Variants in KIF5C observed in about 807,000 individuals in gnomAD.
KIF5C encodes kinesin family member 5C.
KIF5C carries 18 observed loss-of-function variants against 125.2 expected under a neutral mutation model. The observed-to-expected ratio is 0.14, with a 90% CI of 0.10 to 0.21. The LOEUF is 0.21. Ranked by LOEUF, KIF5C falls within the 10% of genes least tolerant of loss-of-function variation. KIF5C has a pLI of 1.00. For missense variants in KIF5C, 780 were observed against 1,183.8 expected (o/e 0.66, Z 5.01); for synonymous variants, 405 against 434.0 (o/e 0.93, Z 0.83).
In KIF5C at chr2:148,946,961, G is replaced by A. The variant is rs1340827215; in HGVS notation, c.652G>A (p.Val218Ile). Residue 218 changes from valine (V) to isoleucine (I), a missense_variant, in exon 8 of 26, where the codon GTA (valine) becomes ATA (isoleucine). Physicochemically the swap from Val to Ile is conservative, Grantham distance 29. Transcript: ENST00000435030. ...IFLINIKQENVETEKKLSGKL... is the reference protein window; with the variant it reads ...IFLINIKQENIETEKKLSGKL... ...CCTGATAAATATTAAACAAGAGAAT[G>A]TAGAGACTGAAAAAAAACTCAGTGG... 6.2e-7 allele frequency: 1 copy of A among 1,613,402 alleles called. No individual in the cohort carries two copies. Among genetic ancestry groups the A allele is most frequent in the Non-Finnish European group, 8.5e-7 (1 of 1,179,736 alleles).
chr2:148,888,351 C>T (rs1681610359), intron 1 of KIF5C: 1 of 152,366 alleles, frequency 6.6e-6, no homozygotes, highest in South Asian at 2.1e-4. Flanking sequence ...AAATGCATTT[C>T]CCTTTAGCAC....
rs1373278892 is a variant in KIF5C at position 149,023,472 on chromosome 2, A to ACTGT, written c.*406_*409dup. 1 of 152,658 alleles carries ACTGT rather than the reference A, an allele frequency of 6.6e-6. No individual in the cohort carries two copies. The highest frequency in any genetic ancestry group is 2.4e-5 in the African/African-American group (1 of 41,456). The allele number at this position is 152,658 out of a possible 1,614,324, so 9.5% of individuals were successfully genotyped here. A position where few individuals can be genotyped will look rare whatever the true frequency, so the allele number is the denominator to read the frequency against. ...AGGCAGATGATCATGGTCTGCCTCA[A>ACTGT]CTGTCTGGTTTCCTGTAAAATAAAC... On this transcript the variant is annotated 3_prime_UTR_variant, in exon 26 of 26. Coordinates refer to ENST00000435030, the MANE Select transcript of KIF5C (RefSeq NM_004522.3).
chr2:148,968,014 C>T (rs1680793843), intron 11 of KIF5C, among the ~76,000 whole-genome samples: 2 of 152,090 alleles, frequency 1.3e-5, no homozygotes, highest in African/African-American at 4.8e-5. Context: ...CCAGGTCAGT[C>T]TTCACACATG....
At chr2:149,010,397 G>T in intron 24 of KIF5C, 46 bp downstream of exon 24, 1 of 1,494,078 alleles carries the variant, frequency 6.7e-7, no homozygotes, top group East Asian at 2.5e-5. Context: ...AGCTACTGCG[G>T]CCTCTCAGCT....
At chr2:148,968,063 A>AT (rs1680794771) in intron 11 of KIF5C, among the ~76,000 whole-genome samples, 1 of 152,138 alleles carries the variant, frequency 6.6e-6, no homozygotes, top group African/African-American at 2.4e-5. Flanking sequence ...TTGAAAAATA[A>AT]TTTTTTACAG....
At position 148,978,960 on chromosome 2, in the gene KIF5C, G is replaced by C; in HGVS notation, c.1332G>C (p.Lys444Asn). 1 of 1,593,842 alleles carries C rather than the reference G, an allele frequency of 6.3e-7. No homozygotes were observed. The highest frequency in any genetic ancestry group is 8.5e-7 in the Non-Finnish European group (1 of 1,170,102). The change falls in exon 13 of 26, where the codon AAG becomes AAC. Residue 444 changes from lysine (K) to asparagine (N), a missense_variant. Around this residue, in one of 2 missense-constraint regions of KIF5C, gnomAD observed 573 missense variants for 742.6 expected, o/e 0.77. Transcript: ENST00000435030. ...ACCAGCAGAGCCAGCTGGCTGAAAAGCTGAAGCAACAGATGTTGGATCAGG... is the reference window on the plus strand; with the variant it reads ...ACCAGCAGAGCCAGCTGGCTGAAAACCTGAAGCAACAGATGTTGGATCAGG... The part of the protein sequence containing the change: ...EINQQSQLAE[K>N]LKQQMLDQDE...
At chr2:148,971,741 C>CG (rs1452361936) in intron 11 of KIF5C, among the ~76,000 whole-genome samples, 1 of 152,110 alleles carries the variant, frequency 6.6e-6, no homozygotes, top group Non-Finnish European at 1.5e-5. Context: ...TTACTTAACA[C>CG]GGAGGCCCCA....
chr2:148,922,223 C>A lies in KIF5C; in HGVS notation c.213C>A (p.Val71=). 2 of 1,605,628 alleles carry A rather than the reference C, an allele frequency of 1.2e-6. No homozygotes were observed. Among genetic ancestry groups the A allele is most frequent in the South Asian group, 1.1e-5 (1 of 90,512 alleles). The change falls in exon 2 of 26, where the codon GTC becomes GTA. Residue 71 remains valine, a synonymous_variant. Transcript: ENST00000435030. ...ACAATGCATGTGCGAAGCAAATTGT[C>A]AAAGGTAAGTGCTATTTCTTTATTT... ...QVYNACAKQI[V]KDVLEGYNGT... is the part of the protein sequence containing the mutation.
Position 149,000,810 on chromosome 2 carries a change from T to C in KIF5C, c.2373+28T>C, listed in dbSNP as rs373198571. The C allele has an allele frequency of 4.3e-6, 7 of 1,612,198 alleles. No homozygotes were observed. In the African/African-American group the frequency reaches 6.7e-5, roughly 15 times the overall value. ...ATGTCAAGATATTTCCCGATTTATG[T>C]TTGTCTCCAAGACCGGATTCATTTG... is the stretch of plus-strand genomic sequence containing the variant. On this transcript the variant is annotated intron_variant, in intron 21 of 25. Coordinates refer to ENST00000435030, the MANE Select transcript of KIF5C (RefSeq NM_004522.3).
At position 148,983,676 on chromosome 2, in the gene KIF5C, C is replaced by T; in HGVS notation, c.1626C>T (p.His542=). The T allele has an allele frequency of 6.2e-7, 1 of 1,610,874 alleles. No homozygotes were observed. The highest frequency in any genetic ancestry group is 8.5e-7 in the Non-Finnish European group (1 of 1,177,928). ...ELSQLQELSN[H]QKKRATEILN... ...GCCAGCTACAAGAGCTTAGCAACCA[C>T]CAGAAGAAAAGGGCAACTGAGATCC... Residue 542 remains histidine, a synonymous_variant, in exon 15 of 26, where the codon CAC becomes CAT. Coordinates refer to ENST00000435030, the MANE Select transcript of KIF5C (RefSeq NM_004522.3).
chr2:148,942,880 C>A, intron 7 of KIF5C, 120 bp downstream of exon 7: 1 of 1,509,188 alleles, frequency 6.6e-7, no homozygotes, highest in Non-Finnish European at 9.0e-7. Context: ...GATTAAAGAG[C>A]AGTGCTCGGA....
At chr2:148,917,461 G>A (rs1681602475) in intron 1 of KIF5C, among the ~76,000 whole-genome samples, 1 of 152,206 alleles carries the variant, frequency 6.6e-6, no homozygotes, top group Admixed American at 6.5e-5. Context: ...ATATGGCTTG[G>A]CCTTAGTTTT....
At chr2:148,877,319 TGG>T (rs1681221531) in intron 1 of KIF5C, 3 of 152,384 alleles carry the variant, frequency 2.0e-5, no homozygotes, top group East Asian at 3.9e-4. Context: ...GCTGTGTGGA[TGG>T]GCGATCATTC....
At chr2:148,919,760 C>T (rs1324958080) in intron 1 of KIF5C, among the ~76,000 whole-genome samples, 1 of 152,000 alleles carries the variant, frequency 6.6e-6, no homozygotes, top group Non-Finnish European at 1.5e-5. Context: ...TAAGGTTGAC[C>T]TAAAATAAAA....
chr2:148,947,273 A>T (rs1228741678), intron 8 of KIF5C: 1 of 470,272 alleles, frequency 2.1e-6, no homozygotes, highest in East Asian at 4.0e-5. Context: ...GGCCCTTATG[A>T]TGATATGAGG....
chr2:148,934,317 A>T (rs1388650408), intron 3 of KIF5C, among the ~76,000 whole-genome samples: 2 of 151,678 alleles, frequency 1.3e-5, no homozygotes, highest in Non-Finnish European at 2.9e-5. Context: ...CATCATAAAC[A>T]TACAGAGATG....
At position 148,876,605 on chromosome 2, in the gene KIF5C, C is replaced by T. The variant is rs552190682; in HGVS notation, c.126+862C>T. Among the ~76,000 whole-genome samples, 11 of 152,268 alleles carry T rather than the reference C, an allele frequency of 7.2e-5. No homozygotes were observed. Among genetic ancestry groups the T allele is most frequent in the African/African-American group, 2.4e-4 (10 of 41,554 alleles). On this transcript the variant is annotated intron_variant, in intron 1 of 25. Transcript: ENST00000435030. This position sits in a 1 kb window ranked among gnomAD's most constrained non-coding sequence, Gnocchi z 4.7. ...CCTCCCTCTCTATCTCCCTTCCCCA[C>T]CTTTTCTCCCCCACCCCCTCCCCCT...
At chr2:148,932,316 A>G (rs1308848858) in intron 3 of KIF5C, among the ~76,000 whole-genome samples, 3 of 152,148 alleles carry the variant, frequency 2.0e-5, no homozygotes, top group Non-Finnish European at 4.4e-5. Context: ...TAATCCCCCT[A>G]TTTTTGGTCT....
intron 1 of KIF5C, among the ~76,000 whole-genome samples, chr2:148,908,623 G>T (rs149947677): frequency 5.3e-5 from 8 of 152,176 alleles, no homozygotes; most frequent in African/African-American, 1.9e-4. Context: ...TACACCATGG[G>T]GTCATCCGAG....
Sources: allele counts gnomAD v4.1 joint callset (sites outside exome capture counted in the v4.1 genomes callset), GRCh38; gene constraint gnomAD v4.1.1; regional missense constraint gnomAD v4.1.1; non-coding constraint Gnocchi (gnomAD v3.1); transcripts MANE v1.5; gene names NCBI Gene and HGNC (gene_info 2026-07-23, HGNC 2026-07-21).